Variants in ZNFX1 observed in about 807,000 individuals in gnomAD.
ZNFX1 encodes zinc finger NFX1-type containing 1.
Under a neutral mutation model 179.8 loss-of-function variants are expected in ZNFX1, and 78 were observed. The observed-to-expected ratio is 0.43, with a 90% CI of 0.36 to 0.52. The LOEUF (loss-of-function observed/expected upper bound fraction) is 0.52. Ranked by LOEUF, ZNFX1 falls within the 20% of genes least tolerant of loss-of-function variation. The probability of loss-of-function intolerance (pLI) is 0.00; values close to 1 mark genes in which losing one functional copy is unlikely to be tolerated. For synonymous variants in ZNFX1, 848 were observed against 868.5 expected, an observed-to-expected ratio of 0.98 and a Z score of 0.42; for missense variants, 1,927 against 2,386.6, an observed-to-expected ratio of 0.81 and a Z score of 4.01.
At chr20:49,255,757 G>A (rs1205299192) in intron 9 of ZNFX1, 51 bp downstream of exon 9, 1 of 1,553,946 alleles carries the variant, frequency 6.4e-7, no homozygotes, top group Middle Eastern at 1.7e-4. Context: ...AATGTTCTAG[G>A]AACAGAAGAG....
At chr20:49,252,618 T>G in intron 12 of ZNFX1, 102 bp downstream of exon 12, 2 of 725,716 alleles carry the variant, frequency 2.8e-6, no homozygotes, top group South Asian at 1.7e-5. Context: ...ATTTCAGTAT[T>G]AAATTATTTT....
chr20:49,277,192 T>C (rs2146746513), intron 1 of ZNFX1, among the ~76,000 whole-genome samples: 1 of 152,142 alleles, frequency 6.6e-6, no homozygotes, highest in South Asian at 2.1e-4. Flanking sequence ...GGGCTAGTCA[T>C]CACCAGAGTG....
In ZNFX1 at chr20:49,248,268, C is replaced by T. The variant is rs753410020; in HGVS notation, c.4756G>A (p.Val1586Met). 7.4e-6 allele frequency: 12 copies of T among 1,614,148 alleles called. No individual in the cohort carries two copies. Among genetic ancestry groups the T allele is most frequent in the Non-Finnish European group, 9.3e-6 (11 of 1,180,026 alleles). Residue 1586 changes from valine to methionine, a missense_variant, in exon 14 of 14, where the codon GTG (valine) becomes ATG (methionine). By Grantham distance (21) the Val-to-Met change is conservative (BLOSUM62 1). Coordinates refer to ENST00000396105, the MANE Select transcript of ZNFX1 (RefSeq NM_021035.3). The surrounding 1 kb of genome is among the most constrained non-coding windows in gnomAD (Gnocchi z 4.6). ...GFEDEPDARF[V>M]QLEDCSHIFE... Reference sequence around the variant, plus strand: ...ATGTGGCTGCAGTCTTCCAGCTGCACAAAGCGGGCATCAGGCTCATCCTCA... The same window carrying T: ...ATGTGGCTGCAGTCTTCCAGCTGCATAAAGCGGGCATCAGGCTCATCCTCA...
chr20:49,271,778 A>G (rs763682936), intron 2 of ZNFX1, 28 bp from the exon 3 acceptor site: 17 of 1,561,060 alleles, frequency 1.1e-5, no homozygotes, highest in Non-Finnish European at 1.4e-5. Flanking sequence ...TTGAGTAACC[A>G]CAAGAACCAA....
rs746356141 is a variant in ZNFX1 at position 49,248,114 on chromosome 20, T to C, written c.4910A>G (p.Lys1637Arg). 1.2e-5 allele frequency: 20 copies of C among 1,614,068 alleles called. No individual in the cohort carries two copies. Among genetic ancestry groups the C allele is most frequent in the Non-Finnish European group, 1.7e-5 (20 of 1,180,048 alleles). The change falls in exon 14 of 14, where the codon AAA becomes AGA. Residue 1637 changes from lysine to arginine, a missense_variant. Lys to Arg is a conservative substitution (Grantham distance 26). Transcript: ENST00000396105. This position sits in a 1 kb window ranked among gnomAD's most constrained non-coding sequence, Gnocchi z 4.6. ...RKNLRYGTSI[K>R]QRLEEIEIIK... is the part of the protein sequence containing the mutation. ...GATTTCAATCTCTTCTAGCCGCTGTTTTATGCTAGTTCCATACCTCAGGTT... is the reference window on the plus strand; with the variant it reads ...GATTTCAATCTCTTCTAGCCGCTGTCTTATGCTAGTTCCATACCTCAGGTT...
At chr20:49,266,841 T>C (rs1404676015) in intron 3 of ZNFX1, among the ~76,000 whole-genome samples, 1 of 152,128 alleles carries the variant, frequency 6.6e-6, no homozygotes, top group African/African-American at 2.4e-5. Flanking sequence ...GGAATAAGAG[T>C]TATAGGCTCA....
Position 49,248,919 on chromosome 20 carries a change from C to T in ZNFX1, c.4105G>A (p.Asp1369Asn). ...GAGCAAGGCTCCTGGCAGCAGAAAT[C>T]TGACTCAGGCACGGAACAAGGGACC... ...QMVPCSVPES[D>N]FCCQEPCSKS... Residue 1369 changes from aspartate (D) to asparagine (N), a missense_variant, in exon 14 of 14, where the codon GAT becomes AAT. By Grantham distance (23) the Asp-to-Asn change is conservative. Coordinates refer to ENST00000396105, the MANE Select transcript of ZNFX1 (RefSeq NM_021035.3). The surrounding 1 kb of genome is among the most constrained non-coding windows in gnomAD (Gnocchi z 4.6). The T allele has an allele frequency of 6.2e-7, 1 of 1,614,284 alleles. No individual in the cohort carries two copies. The highest frequency in any genetic ancestry group is 8.5e-7 in the Non-Finnish European group (1 of 1,180,058).
At position 49,270,558 on chromosome 20, in the gene ZNFX1, G is replaced by A; in HGVS notation, c.1254C>T (p.Thr418=). Residue 418 remains threonine, a synonymous_variant, in exon 3 of 14, where the codon ACC becomes ACT. Coordinates refer to ENST00000396105, the MANE Select transcript of ZNFX1 (RefSeq NM_021035.3). This position sits in a 1 kb window ranked among gnomAD's most constrained non-coding sequence, Gnocchi z 4.6. The part of the protein sequence containing the change: ...IRIYFDTRII[T]PMCSSSGIVY... Reference sequence around the variant, plus strand: ...CTATGCCTGATGATGAACACATGGGGGTGATAATCCTGGTGTCAAAGTAGA... The same window carrying A: ...CTATGCCTGATGATGAACACATGGGAGTGATAATCCTGGTGTCAAAGTAGA... 2 of 1,614,188 alleles carry A rather than the reference G, an allele frequency of 1.2e-6. No homozygotes were observed. The highest frequency in any genetic ancestry group is 8.5e-7 in the Non-Finnish European group (1 of 1,180,038).
intron 13 of ZNFX1, among the ~76,000 whole-genome samples, 174 bp from the exon 14 acceptor site, chr20:49,249,885 T>G (rs1393246382): frequency 3.9e-5 from 6 of 152,206 alleles, no homozygotes; most frequent in African/African-American, 1.4e-4. Flanking sequence ...TGTGCTTCAT[T>G]TTGGGGCCAC....
chr20:49,251,071 C>T (rs1335743791), intron 13 of ZNFX1, among the ~76,000 whole-genome samples: 1 of 151,628 alleles, frequency 6.6e-6, no homozygotes, highest in Non-Finnish European at 1.5e-5. Context: ...ATTAAAAAAC[C>T]CTGGTCTGTA....
Position 49,275,831 on chromosome 20 carries a change from C to T in ZNFX1, c.9G>A (p.Glu3=). 1 of 1,614,184 alleles carries T rather than the reference C, an allele frequency of 6.2e-7. No individual in the cohort carries two copies. The highest frequency in any genetic ancestry group is 8.5e-7 in the Non-Finnish European group (1 of 1,180,016). Residue 3 remains glutamate, a synonymous_variant, in exon 2 of 14, where the codon GAG becomes GAA. Transcript: ENST00000396105. Reference sequence around the variant, plus strand: ...GCCTGGCATCCAGATGAGGTCTTCTCTCCTCCATGTCTGAGTCACCTGAAT... The same window carrying T: ...GCCTGGCATCCAGATGAGGTCTTCTTTCCTCCATGTCTGAGTCACCTGAAT... The part of the protein sequence containing the change: ME[E]RRPHLDARPR...
intron 2 of ZNFX1, among the ~76,000 whole-genome samples, chr20:49,271,986 A>G (rs553286837): frequency 5.9e-5 from 9 of 152,336 alleles, no homozygotes; most frequent in Non-Finnish European, 1.0e-4. Context: ...ATAAACAGTT[A>G]TTGAGTACCT....
At position 49,260,472 on chromosome 20, in the gene ZNFX1, C is replaced by T; in HGVS notation, c.2407G>A (p.Glu803Lys). 1 of 1,612,136 alleles carries T rather than the reference C, an allele frequency of 6.2e-7. No homozygotes were observed. The highest frequency in any genetic ancestry group is 1.1e-5 in the South Asian group (1 of 90,740). ...GACATGCACTTCTTACCTGTATTCT[C>T]AGGTCCTGCTGGAGAAACACTTTGC... The part of the protein sequence containing the change: ...FTQSVSPAGP[E>K]NTAQAEGDEE... The change falls in exon 7 of 14, where the codon GAG becomes AAG. Residue 803 changes from glutamate (E) to lysine (K), a missense_variant. Coordinates refer to ENST00000396105, the MANE Select transcript of ZNFX1 (RefSeq NM_021035.3).
intron 2 of ZNFX1, among the ~76,000 whole-genome samples, chr20:49,272,662 A>T (rs1981446536): frequency 6.6e-6 from 1 of 152,202 alleles, no homozygotes; most frequent in African/African-American, 2.4e-5. Context: ...CATCAAGTGA[A>T]ATAATATTAC....
At chr20:49,258,471 G>C (rs1568984182) in intron 7 of ZNFX1, among the ~76,000 whole-genome samples, 1 of 152,100 alleles carries the variant, frequency 6.6e-6, no homozygotes, top group Admixed American at 6.6e-5. Flanking sequence ...TATACTTTTT[G>C]TTACGTTTTA....
rs564449442 is a variant in ZNFX1 at position 49,247,709 on chromosome 20, C to T, written c.5315G>A (p.Arg1772His). 4.0e-5 allele frequency: 65 copies of T among 1,614,030 alleles called. No individual in the cohort carries two copies. The highest frequency in any genetic ancestry group is 3.3e-4 in the Middle Eastern group (2 of 6,084). ...RLTYLVNLLT[R>H]YKIAEKKVKD... ...CACCTTCTTCTCTGCTATCTTGTAGCGGGTCAGAAGGTTCACCAGGTATGT... is the reference window on the plus strand; with the variant it reads ...CACCTTCTTCTCTGCTATCTTGTAGTGGGTCAGAAGGTTCACCAGGTATGT... The change falls in exon 14 of 14, where the codon CGC becomes CAC. Residue 1772 changes from arginine (R) to histidine (H), a missense_variant. Arg to His is a conservative substitution (Grantham distance 29). Transcript: ENST00000396105.
chr20:49,251,040 T>C (rs1233814940), intron 13 of ZNFX1, among the ~76,000 whole-genome samples: 1 of 151,872 alleles, frequency 6.6e-6, no homozygotes, highest in Non-Finnish European at 1.5e-5. Flanking sequence ...TAAGGTTACA[T>C]GGCTAACAGG....
rs750655445 is a variant in ZNFX1, at chr20:49,247,466, T to G, written c.5558A>C (p.His1853Pro). The G allele has an allele frequency of 6.2e-7, 1 of 1,614,206 alleles. No individual in the cohort carries two copies. Among genetic ancestry groups the G allele is most frequent in the South Asian group, 1.1e-5 (1 of 91,078 alleles). ...RGHWFKCRNGHIYVIGDCGGA... is the reference protein window; with the variant it reads ...RGHWFKCRNGPIYVIGDCGGA... ...CCCACAATCGCCAATCACATAGATA[T>G]GGCCATTGCGGCACTTGAACCAGTG... The change falls in exon 14 of 14, where the codon CAT becomes CCT. Residue 1853 changes from histidine (H) to proline (P), a missense_variant. His to Pro is a moderately conservative substitution (Grantham distance 77, BLOSUM62 -2). Transcript: ENST00000396105.
At chr20:49,256,718 T>C (rs1274069341) in intron 8 of ZNFX1, among the ~76,000 whole-genome samples, 1 of 152,234 alleles carries the variant, frequency 6.6e-6, no homozygotes, top group Non-Finnish European at 1.5e-5. Context: ...ATGACTCCGC[T>C]CACCACATAT....
Sources: allele counts gnomAD v4.1 joint callset (sites outside exome capture counted in the v4.1 genomes callset), GRCh38; gene constraint gnomAD v4.1.1; non-coding constraint Gnocchi (gnomAD v3.1); transcripts MANE v1.5; gene names NCBI Gene and HGNC (gene_info 2026-07-23, HGNC 2026-07-21).